The following PRKCA variants were observed in gnomAD, a reference collection of about 807,000 sequenced individuals.
PRKCA encodes protein kinase C alpha type.
A neutral mutation model predicts 87.0 loss-of-function variants in PRKCA; 27 were observed. The ratio of observed to expected loss-of-function variants is 0.31; its 90% CI spans 0.23 to 0.43. The LOEUF is 0.43. Among genes scored for constraint, PRKCA ranks in the 20% least tolerant of loss-of-function variants. The pLI, the probability that PRKCA is intolerant of heterozygous loss-of-function variation, is 1.00. For synonymous variants in PRKCA, 329 were observed against 311.1 expected (o/e 1.06, Z -0.61); for missense variants, 518 against 852.3 (o/e 0.61, Z 4.88).
chr17:66,350,347 G>A (rs1235550879), intron 2 of PRKCA, among the ~76,000 whole-genome samples: 1 of 152,174 alleles, frequency 6.6e-6, no homozygotes, highest in Non-Finnish European at 1.5e-5. Flanking sequence ...CAGGGAGCTG[G>A]GGTCTTTCAT....
intron 3 of PRKCA, among the ~76,000 whole-genome samples, chr17:66,532,305 C>A (rs1052628788): frequency 6.8e-6 from 1 of 146,182 alleles, no homozygotes; most frequent in African/African-American, 2.5e-5. Flanking sequence ...CCTCCCCCCC[C>A]ACCCCCACCC....
chr17:66,344,531 A>C (rs1012989563), intron 2 of PRKCA, among the ~76,000 whole-genome samples: 7 of 152,146 alleles, frequency 4.6e-5, no homozygotes, highest in Non-Finnish European at 7.3e-5. Context: ...CAACAAAAAA[A>C]CAGTTAGTTG....
intron 2 of PRKCA, among the ~76,000 whole-genome samples, chr17:66,328,810 C>T (rs115670248): frequency 0.018 from 2,752 of 152,160 alleles, 95 homozygotes; most frequent in African/African-American, 0.063. Context: ...AACAAACAAA[C>T]GAAAACTGAA....
intron 2 of PRKCA, among the ~76,000 whole-genome samples, chr17:66,472,819 A>C (rs1915379101): frequency 6.6e-6 from 1 of 152,096 alleles, no homozygotes; most frequent in African/African-American, 2.4e-5. Flanking sequence ...TCATTTTTCC[A>C]TTTTCAGAGA....
chr17:66,593,086 G>A (rs1332332443), intron 3 of PRKCA, among the ~76,000 whole-genome samples: 4 of 152,074 alleles, frequency 2.6e-5, no homozygotes, highest in African/African-American at 7.2e-5. Flanking sequence ...CACCGTGCCC[G>A]GCCCAATTCA....
chr17:66,640,556 C>A (rs1971263412), intron 3 of PRKCA, among the ~76,000 whole-genome samples: 1 of 152,116 alleles, frequency 6.6e-6, no homozygotes, highest in African/African-American at 2.4e-5. Context: ...GGAAAATGTA[C>A]CTGTCAGTTT....
intron 3 of PRKCA, among the ~76,000 whole-genome samples, chr17:66,590,657 C>A (rs974135565): frequency 6.6e-6 from 1 of 152,150 alleles, no homozygotes; most frequent in Admixed American, 6.5e-5. Context: ...TGAGACCAGA[C>A]TGGCCAATGT....
chr17:66,641,382 A>C lies in PRKCA; in HGVS notation c.316A>C (p.Ile106Leu). Reference protein sequence around the residue: ...DDPRSKHKFKIHTYGSPTFCD... With the variant: ...DDPRSKHKFKLHTYGSPTFCD... ...CCCCAGGAGCAAGCACAAGTTCAAAATCCACACTTACGGAAGCCCCACCTT... is the reference window on the plus strand; with the variant it reads ...CCCCAGGAGCAAGCACAAGTTCAAACTCCACACTTACGGAAGCCCCACCTT... Residue 106 changes from isoleucine to leucine, a missense_variant, in exon 4 of 17, where the codon ATC (isoleucine) becomes CTC (leucine). Ile to Leu is a conservative substitution (Grantham distance 5, BLOSUM62 2). Coordinates refer to ENST00000413366, the MANE Select transcript of PRKCA (RefSeq NM_002737.3). 6.2e-7 allele frequency: 1 copy of C among 1,612,752 alleles called. No individual in the cohort carries two copies. Among genetic ancestry groups the C allele is most frequent in the Non-Finnish European group, 8.5e-7 (1 of 1,179,246 alleles).
At chr17:66,712,843 T>C (rs1973366118) in intron 8 of PRKCA, among the ~76,000 whole-genome samples, 2 of 152,090 alleles carry the variant, frequency 1.3e-5, no homozygotes, top group Admixed American at 1.3e-4. Flanking sequence ...CTCCTAGGGA[T>C]GTTGGGAGGA....
rs527385159 is a variant in PRKCA, at chr17:66,681,058, G to A, written c.530-6053G>A. 2.0e-5 allele frequency among the ~76,000 whole-genome samples: 3 copies of A among 152,122 alleles called. No individual in the cohort carries two copies. In the South Asian group the frequency reaches 6.2e-4, roughly 31 times the overall value. The stretch of plus-strand genomic sequence containing the variant: ...AGCCTGGCCAACGTGGTGAAACCCC[G>A]TCTCTACTAAAAATACTAAAATTAG... On this transcript the variant is annotated intron_variant, in intron 5 of 16. Transcript: ENST00000413366.
At chr17:66,635,638 A>G (rs998671299) in intron 3 of PRKCA, among the ~76,000 whole-genome samples, 2 of 152,204 alleles carry the variant, frequency 1.3e-5, no homozygotes, top group Non-Finnish European at 2.9e-5. Context: ...GAAGTAAAAG[A>G]TGTTCCTTTG....
intron 16 of PRKCA, among the ~76,000 whole-genome samples, chr17:66,789,947 G>A (rs1488061128): frequency 2.0e-5 from 3 of 152,218 alleles, no homozygotes; most frequent in South Asian, 4.1e-4. Context: ...TCTAAGGGCC[G>A]GGCGGACTGT....
At chr17:66,344,210 A>G (rs1273162386) in intron 2 of PRKCA, among the ~76,000 whole-genome samples, 1 of 152,190 alleles carries the variant, frequency 6.6e-6, no homozygotes. Flanking sequence ...AAGTGCTCCT[A>G]GGAGCCATTT....
chr17:66,441,154 T>G (rs1356484789), intron 2 of PRKCA, among the ~76,000 whole-genome samples: 5 of 129,626 alleles, frequency 3.9e-5, no homozygotes, highest in African/African-American at 1.3e-4. Flanking sequence ...AAAGCGAAAC[T>G]CTGTCTCCAA....
intron 2 of PRKCA, among the ~76,000 whole-genome samples, chr17:66,368,386 A>ATAT (rs1567793184): frequency 3.5e-3 from 88 of 25,472 alleles, no homozygotes; most frequent in East Asian, 0.027. Flanking sequence ...ATATATATAT[A>ATAT]TTTTTTTTTT....
chr17:66,682,033 C>T (rs1208413824), intron 5 of PRKCA, among the ~76,000 whole-genome samples: 4 of 152,190 alleles, frequency 2.6e-5, no homozygotes, highest in South Asian at 2.1e-4. Context: ...TTCTCCAATC[C>T]GGCTAGGGCG....
At chr17:66,557,244 A>G (rs1968524501) in intron 3 of PRKCA, among the ~76,000 whole-genome samples, 1 of 152,222 alleles carries the variant, frequency 6.6e-6, no homozygotes, top group Non-Finnish European at 1.5e-5. Flanking sequence ...TTGGGGAAGG[A>G]CATAATGAAT....
At chr17:66,693,198 G>A (rs1972827432) in intron 8 of PRKCA, among the ~76,000 whole-genome samples, 1 of 152,298 alleles carries the variant, frequency 6.6e-6, no homozygotes, top group African/African-American at 2.4e-5. Context: ...CAGGGTGGCT[G>A]GAGATGACCT....
chr17:66,682,097 C>T lies in PRKCA; in HGVS notation c.530-5014C>T, dbSNP rs141817148. On this transcript the variant is annotated intron_variant, in intron 5 of 16. Transcript: ENST00000413366. The stretch of plus-strand genomic sequence containing the variant: ...CATCTGCCTGTATCCCCACTCCATT[C>T]CTGAACATTTACTTACAACTCTAAA... Among the ~76,000 whole-genome samples the T allele has an allele frequency of 4.5e-3, 685 of 152,336 alleles. 5 individuals are homozygous for T. The Middle Eastern group carries it at 0.058, about 13-fold the overall frequency.
Sources: gnomAD v4.1 joint callset for allele counts (sites outside exome capture counted in the v4.1 genomes callset) on GRCh38, gnomAD v4.1.1 for gene constraint, MANE v1.5 for transcripts, NCBI Gene and HGNC (gene_info 2026-07-23, HGNC 2026-07-21) for gene names.